Variants in ADGRA3 observed in about 807,000 individuals in gnomAD.
ADGRA3 encodes the protein adhesion G protein-coupled receptor A3, also known as G-protein coupled receptor 125.
Under a neutral mutation model 119.8 loss-of-function variants are expected in ADGRA3, and 56 were observed. The ratio of observed to expected loss-of-function variants is 0.47; its 90% CI spans 0.38 to 0.58. ADGRA3 has a LOEUF of 0.58. ADGRA3 is among the 20% of genes least tolerant of loss of function. ADGRA3 has a pLI of 0.00. For synonymous variants in ADGRA3, 607 were observed against 623.8 expected (o/e 0.97, Z 0.40); for missense variants, 1,516 against 1,649.0 (o/e 0.92, Z 1.40).
intron 1 of ADGRA3, among the ~76,000 whole-genome samples, chr4:22,506,423 C>G (rs764681714): frequency 6.6e-6 from 1 of 152,052 alleles, no homozygotes; most frequent in Admixed American, 6.6e-5. Flanking sequence ...CATGGTGGTG[C>G]GTGTCTGTGG....
intron 2 of ADGRA3, 136 bp downstream of exon 2, chr4:22,473,636 T>A: frequency 1.8e-6 from 1 of 549,024 alleles, no homozygotes; most frequent in Non-Finnish European, 3.2e-6. Context: ...TCTTAAAATT[T>A]TTCATTAAAA....
intron 1 of ADGRA3, among the ~76,000 whole-genome samples, chr4:22,491,984 A>C (rs965177566): frequency 6.6e-6 from 1 of 152,224 alleles, no homozygotes. Context: ...AGCTACTCTT[A>C]GCTACATAAA....
At position 22,490,336 on chromosome 4, in the gene ADGRA3, A is replaced by G. The variant is rs79476124; in HGVS notation, c.258-16493T>C. On this transcript the variant is annotated intron_variant, in intron 1 of 18. Transcript: ENST00000334304. ...ACAACCCATTTTTTAAGGTGTCTGT[A>G]TATCAATAAAGAACACTGGACACTT... Among the ~76,000 whole-genome samples the G allele has an allele frequency of 1.1e-4, 16 of 152,350 alleles. No individual in the cohort carries two copies. In the East Asian group the frequency reaches 2.7e-3, roughly 26 times the overall value.
At chr4:22,471,020 A>G (rs1560333776) in intron 2 of ADGRA3, among the ~76,000 whole-genome samples, 2 of 152,162 alleles carry the variant, frequency 1.3e-5, no homozygotes, top group Non-Finnish European at 2.9e-5. Context: ...CTTCCACCCC[A>G]GTACCGGAGC....
chr4:22,502,715 T>A (rs1001650421), intron 1 of ADGRA3, among the ~76,000 whole-genome samples: 1 of 150,958 alleles, frequency 6.6e-6, no homozygotes, highest in Non-Finnish European at 1.5e-5. Context: ...GGGAACTGGA[T>A]CAAGAAATGA....
At chr4:22,461,275 A>T (rs997760599) in intron 3 of ADGRA3, among the ~76,000 whole-genome samples, 8 of 152,076 alleles carry the variant, frequency 5.3e-5, no homozygotes, top group Non-Finnish European at 1.2e-4. Context: ...CAAATCAACC[A>T]CCTTCTCAGC....
In ADGRA3 at chr4:22,395,797, AG is replaced by A. The variant is rs1371525634; in HGVS notation, c.2482-3108del. On this transcript the variant is annotated intron_variant, in intron 16 of 18. Coordinates refer to ENST00000334304, the MANE Select transcript of ADGRA3 (RefSeq NM_145290.4). ...GTTTATATAGTTATAAAATACACAA[AG>A]AAAAACTACCTCCTAGGGTTAATAT... Among the ~76,000 whole-genome samples the A allele has an allele frequency of 2.0e-5, 3 of 152,212 alleles. No individual in the cohort carries two copies. The East Asian group carries it at 5.8e-4, about 29-fold the overall frequency.
rs75654809 is a variant in ADGRA3 at position 22,404,763 on chromosome 4, C to T, written c.2233-1964G>A. 7.3e-3 allele frequency among the ~76,000 whole-genome samples: 1,115 copies of T among 152,244 alleles called. 19 individuals carry two copies. Among genetic ancestry groups the T allele is most frequent in the African/African-American group, 0.025 (1,055 of 41,538 alleles). On this transcript the variant is annotated intron_variant, in intron 14 of 18. Coordinates refer to ENST00000334304, the MANE Select transcript of ADGRA3 (RefSeq NM_145290.4). Reference sequence around the variant, plus strand: ...GTAACACTAGCCTGTAATACATGGCCTCAAAATAGTTGCACTCTGTTAAAA... The same window carrying T: ...GTAACACTAGCCTGTAATACATGGCTTCAAAATAGTTGCACTCTGTTAAAA...
chr4:22,448,272 G>C (rs1385895476), intron 4 of ADGRA3, among the ~76,000 whole-genome samples: 1 of 152,172 alleles, frequency 6.6e-6, no homozygotes, highest in Non-Finnish European at 1.5e-5. Flanking sequence ...TAACATGCTG[G>C]AATATAAATG....
intron 1 of ADGRA3, among the ~76,000 whole-genome samples, chr4:22,513,947 T>C (rs910587421): frequency 6.6e-6 from 1 of 151,792 alleles, no homozygotes; most frequent in Non-Finnish European, 1.5e-5. Context: ...AATAGTTTAA[T>C]TGGTAATATG....
chr4:22,420,902 G>C lies in ADGRA3; in HGVS notation c.1793C>G (p.Ser598Trp), dbSNP rs754733366. 6.2e-7 allele frequency: 1 copy of C among 1,613,852 alleles called. No individual in the cohort carries two copies. The highest frequency in any genetic ancestry group is 1.1e-5 in the South Asian group (1 of 91,078). The change falls in exon 12 of 19, where the codon TCG becomes TGG. Residue 598 changes from serine to tryptophan, a missense_variant. Around this residue, in one of 2 missense-constraint regions of ADGRA3, gnomAD observed 1,088 missense variants for 1,107.1 expected, o/e 0.98. Coordinates refer to ENST00000334304, the MANE Select transcript of ADGRA3 (RefSeq NM_145290.4). Reference protein sequence around the residue: ...SFKCNVSNTFSSLALKNTIVE... With the variant: ...SFKCNVSNTFWSLALKNTIVE... Reference sequence around the variant, plus strand: ...GTAACATACCTTTAGTGCCAGACTCGAAAATGTATTTGAAACATTGCACTT... The same window carrying C: ...GTAACATACCTTTAGTGCCAGACTCCAAAATGTATTTGAAACATTGCACTT...
chr4:22,491,049 G>C (rs1300457797), intron 1 of ADGRA3, among the ~76,000 whole-genome samples: 1 of 152,180 alleles, frequency 6.6e-6, no homozygotes, highest in Admixed American at 6.5e-5. Context: ...CAGGCAGGCA[G>C]ACGTTCTGGG....
intron 8 of ADGRA3, among the ~76,000 whole-genome samples, 189 bp downstream of exon 8, chr4:22,438,067 G>T (rs1198863234): frequency 6.6e-6 from 1 of 152,134 alleles, no homozygotes; most frequent in African/African-American, 2.4e-5. Flanking sequence ...ACAGGTCTGA[G>T]ATAAAGTTCA....
At chr4:22,481,278 C>G (rs937318258) in intron 1 of ADGRA3, among the ~76,000 whole-genome samples, 28 of 152,048 alleles carry the variant, frequency 1.8e-4, no homozygotes, top group African/African-American at 6.0e-4. Context: ...CTGTGATAAG[C>G]AAAAATCAGG....
At chr4:22,440,357 C>A (rs191179496) in intron 7 of ADGRA3, among the ~76,000 whole-genome samples, 3 of 152,256 alleles carry the variant, frequency 2.0e-5, no homozygotes, top group Admixed American at 2.0e-4. Flanking sequence ...AATTTCAACT[C>A]CTAAGAAAAA....
At chr4:22,410,825 G>A (rs1435344459) in intron 14 of ADGRA3, among the ~76,000 whole-genome samples, 3 of 151,802 alleles carry the variant, frequency 2.0e-5, no homozygotes, top group Non-Finnish European at 2.9e-5. Flanking sequence ...ATTTCTCTTT[G>A]CTGCCTCTAG....
chr4:22,433,476 C>G (rs1716265437), intron 10 of ADGRA3, among the ~76,000 whole-genome samples: 1 of 152,032 alleles, frequency 6.6e-6, no homozygotes, highest in South Asian at 2.1e-4. Context: ...GAAGAATAAG[C>G]CCATGGTTAA....
Position 22,424,368 on chromosome 4 carries a change from G to C in ADGRA3, c.1444-16C>G, listed in dbSNP as rs1212308504. ...CGTCACCTAGCTAGCAGGGGTTCAG[G>C]AGAAAAAAGAAAGATCTTTAAAACC... On this transcript the variant is annotated splice_polypyrimidine_tract_variant and intron_variant, in intron 10 of 18. Coordinates refer to ENST00000334304, the MANE Select transcript of ADGRA3 (RefSeq NM_145290.4). The C allele has an allele frequency of 6.2e-7, 1 of 1,602,582 alleles. No homozygotes were observed. Among genetic ancestry groups the C allele is most frequent in the African/African-American group, 1.3e-5 (1 of 74,322 alleles).
chr4:22,495,266 A>G (rs1718771211), intron 1 of ADGRA3, among the ~76,000 whole-genome samples: 1 of 152,030 alleles, frequency 6.6e-6, no homozygotes, highest in Non-Finnish European at 1.5e-5. Context: ...CCCGCTACTC[A>G]GAATGGTACA....
Sources: gnomAD v4.1 joint callset for allele counts (sites outside exome capture counted in the v4.1 genomes callset) on GRCh38, gnomAD v4.1.1 for gene constraint, gnomAD v4.1.1 regional missense constraint, MANE v1.5 for transcripts, NCBI Gene and HGNC (gene_info 2026-07-23, HGNC 2026-07-21) for gene names.